CHN1: variants seen among roughly 807,000 people sequenced by gnomAD.
The protein encoded by CHN1 is chimerin 1.
CHN1 carries 37 observed loss-of-function variants against 59.5 expected under a neutral mutation model. The observed-to-expected ratio is 0.62, with a 90% CI of 0.48 to 0.82. CHN1 has a LOEUF of 0.82. Among genes scored for constraint, CHN1 ranks in the 40% least tolerant of loss-of-function variants. CHN1 has a pLI of 0.00. For synonymous variants in CHN1, 206 were observed against 200.4 expected, an observed-to-expected ratio of 1.03 and a Z score of -0.24; for missense variants, 469 against 571.0, an observed-to-expected ratio of 0.82 and a Z score of 1.82.
intron 6 of CHN1, among the ~76,000 whole-genome samples, chr2:174,859,809 C>T (rs1687015819): frequency 6.6e-6 from 1 of 152,116 alleles, no homozygotes. Context: ...CTAAGTAAGG[C>T]TCAGCTGTCA....
At chr2:174,805,795 G>A (rs1408669502) in intron 11 of CHN1, among the ~76,000 whole-genome samples, 1 of 151,512 alleles carries the variant, frequency 6.6e-6, no homozygotes, top group Admixed American at 6.6e-5. Context: ...AGCAAAAGGG[G>A]CAGCTCAGTG....
chr2:174,891,405 A>G (rs945699990), intron 5 of CHN1, among the ~76,000 whole-genome samples: 5 of 151,528 alleles, frequency 3.3e-5, no homozygotes, highest in Admixed American at 6.6e-5. Context: ...CCCTGTCTCT[A>G]CTAAAAATAC....
At chr2:174,978,762 G>C (rs144488873) in intron 1 of CHN1, among the ~76,000 whole-genome samples, 1 of 152,084 alleles carries the variant, frequency 6.6e-6, no homozygotes, top group Non-Finnish European at 1.5e-5. Flanking sequence ...TGTAGCTAAC[G>C]ATACACAATC....
chr2:174,799,820 G>T lies in CHN1; in HGVS notation c.*296C>A. The T allele has an allele frequency of 1.8e-6, 1 of 558,256 alleles. No homozygotes were observed. The highest frequency in any genetic ancestry group is 3.4e-6 in the Non-Finnish European group (1 of 293,068). The allele number at this position is 558,256 out of a possible 1,614,324, so 34.6% of individuals were successfully genotyped here. On this transcript the variant is annotated 3_prime_UTR_variant, in exon 13 of 13. Transcript: ENST00000409900. Reference sequence around the variant, plus strand: ...AGGACGCAGAGGCGGTGCAGGCGCAGGTTTGTTGTTTCTTCTGTATGGGGT... The same window carrying T: ...AGGACGCAGAGGCGGTGCAGGCGCATGTTTGTTGTTTCTTCTGTATGGGGT...
chr2:174,809,805 A>G (rs1268011367), intron 10 of CHN1, among the ~76,000 whole-genome samples: 1 of 152,182 alleles, frequency 6.6e-6, no homozygotes, highest in Non-Finnish European at 1.5e-5. Flanking sequence ...CCTCCAGCAG[A>G]CTAGGATTCT....
intron 6 of CHN1, among the ~76,000 whole-genome samples, chr2:174,876,690 T>C (rs1449753429): frequency 6.6e-6 from 1 of 152,224 alleles, no homozygotes; most frequent in Non-Finnish European, 1.5e-5. Flanking sequence ...ACACAAACTT[T>C]CTTATTTCCA....
chr2:174,919,194 C>A (rs1453608203), intron 3 of CHN1, among the ~76,000 whole-genome samples: 1 of 152,132 alleles, frequency 6.6e-6, no homozygotes, highest in Non-Finnish European at 1.5e-5. Context: ...GACCAAAATT[C>A]TTTTGGAACT....
intron 2 of CHN1, 29 bp from the exon 3 acceptor site, chr2:174,944,972 A>G: frequency 6.7e-7 from 1 of 1,502,436 alleles, no homozygotes; most frequent in Non-Finnish European, 9.1e-7. Flanking sequence ...AAAAAGTGTC[A>G]ATGTCCCTTA....
At chr2:174,883,170 T>C (rs370356574) in intron 5 of CHN1, among the ~76,000 whole-genome samples, 1 of 152,304 alleles carries the variant, frequency 6.6e-6, no homozygotes, top group East Asian at 1.9e-4. Context: ...ATAGAAGGAT[T>C]AACTCGAAGT....
At chr2:174,858,435 T>C in intron 6 of CHN1, among the ~76,000 whole-genome samples, 1 of 152,264 alleles carries the variant, frequency 6.6e-6, no homozygotes, top group East Asian at 1.9e-4. Context: ...AGATTTAACG[T>C]TTATAAACAA....
chr2:174,903,380 C>T (rs1297271084), intron 5 of CHN1, among the ~76,000 whole-genome samples: 1 of 152,200 alleles, frequency 6.6e-6, no homozygotes, highest in African/African-American at 2.4e-5. Context: ...ATCATCTTTG[C>T]TGTTACAGTT....
At chr2:174,951,183 C>A (rs866106262) in intron 2 of CHN1, among the ~76,000 whole-genome samples, 32 of 151,966 alleles carry the variant, frequency 2.1e-4, no homozygotes, top group Middle Eastern at 3.2e-3. Context: ...ACTATACTCC[C>A]AAGGGAAAAA....
At chr2:174,801,166 C>T (rs1039487970) in intron 12 of CHN1, among the ~76,000 whole-genome samples, 1 of 152,194 alleles carries the variant, frequency 6.6e-6, no homozygotes, top group Non-Finnish European at 1.5e-5. Context: ...AACATCAAAC[C>T]ACAATTAACT....
chr2:174,901,856 A>C lies in CHN1; in HGVS notation c.260+13202T>G, dbSNP rs570906135. Among the ~76,000 whole-genome samples the C allele has an allele frequency of 5.9e-5, 9 of 152,330 alleles. No individual in the cohort carries two copies. In the East Asian group the frequency reaches 1.7e-3, roughly 29 times the overall value. On this transcript the variant is annotated intron_variant, in intron 5 of 12. Coordinates refer to ENST00000409900, the MANE Select transcript of CHN1 (RefSeq NM_001822.7). ...ACCTACATTTAAATAAGTAAATGTA[A>C]GTGAAAATCAGAATTTTTAAAAAGG...
intron 12 of CHN1, 71 bp downstream of exon 12, chr2:174,801,636 C>T: frequency 9.5e-7 from 1 of 1,057,004 alleles, no homozygotes; most frequent in Non-Finnish European, 1.4e-6. Flanking sequence ...TCCTTTCTTT[C>T]ACCCTTCATT....
chr2:174,933,189 T>A (rs1240752295), intron 3 of CHN1, among the ~76,000 whole-genome samples: 4 of 152,142 alleles, frequency 2.6e-5, no homozygotes, highest in Non-Finnish European at 1.5e-5. Context: ...TGTGTATATA[T>A]ATAGGTATAT....
chr2:174,847,407 C>T (rs1042041447), intron 6 of CHN1: 31 of 1,208,146 alleles, frequency 2.6e-5, no homozygotes, highest in South Asian at 8.9e-5. Flanking sequence ...AAGAAAGAGT[C>T]GATGCTAACA....
In CHN1 at chr2:174,918,553, G is replaced by T; in HGVS notation, c.127C>A (p.Pro43Thr). The change falls in exon 4 of 13, where the codon CCA becomes ACA. Residue 43 changes from proline to threonine, a missense_variant. By Grantham distance (38) the Pro-to-Thr change is conservative. Transcript: ENST00000409900. ...ACTTACTCTCTTCCATAATACTTTG[G>T]TCTGTTTTCCACCTATTGGGAAAGC... Reference protein sequence around the residue: ...ITCTCEVENRPKYYGREFHGM... With the variant: ...ITCTCEVENRTKYYGREFHGM... 6.3e-7 allele frequency: 1 copy of T among 1,589,372 alleles called. No homozygotes were observed. Among genetic ancestry groups the T allele is most frequent in the Non-Finnish European group, 8.6e-7 (1 of 1,166,762 alleles).
intron 1 of CHN1, 138 bp from the exon 2 acceptor site, chr2:174,952,340 AG>A: frequency 6.4e-6 from 3 of 472,218 alleles, no homozygotes; most frequent in Non-Finnish European, 7.3e-6. Context: ...GGGGCATTCA[AG>A]GGTTTTTTTT....
Sources: gnomAD v4.1 joint callset for allele counts (sites outside exome capture counted in the v4.1 genomes callset) on GRCh38, gnomAD v4.1.1 for gene constraint, MANE v1.5 for transcripts, NCBI Gene and HGNC (gene_info 2026-07-23, HGNC 2026-07-21) for gene names.